FMNL2: variants seen among roughly 807,000 people sequenced by gnomAD.
The protein encoded by FMNL2 is formin-like protein 2.
Under a neutral mutation model 130.2 loss-of-function variants are expected in FMNL2, and 51 were observed. The observed-to-expected ratio is 0.39, with a 90% confidence interval of 0.31 to 0.49. The LOEUF is 0.49. Among genes scored for constraint, FMNL2 ranks in the 20% least tolerant of loss-of-function variants. FMNL2 has a pLI of 0.85. For missense variants in FMNL2, 977 were observed against 1,316.2 expected (o/e 0.74, Z 3.99); for synonymous variants, 465 against 467.1 (o/e 1.00, Z 0.06).
Position 152,409,995 on chromosome 2 carries a change from A to G in FMNL2, c.117+74275A>G, listed in dbSNP as rs144433934. On this transcript the variant is annotated intron_variant, in intron 1 of 25. Coordinates refer to ENST00000288670, the MANE Select transcript of FMNL2 (RefSeq NM_052905.4). Reference sequence around the variant, plus strand: ...GAACTCGAGACAAAACGAGTAGGAAAAAGATGGTTTTTAAGTGACAGTTTT... The same window carrying G: ...GAACTCGAGACAAAACGAGTAGGAAGAAGATGGTTTTTAAGTGACAGTTTT... Among the ~76,000 whole-genome samples the G allele has an allele frequency of 1.5e-3, 223 of 152,324 alleles. 1 individual carries two copies. Among genetic ancestry groups the G allele is most frequent in the African/African-American group, 5.1e-3 (214 of 41,572 alleles).
At chr2:152,347,417 T>C (rs1274106657) in intron 1 of FMNL2, among the ~76,000 whole-genome samples, 1 of 152,236 alleles carries the variant, frequency 6.6e-6, no homozygotes, top group African/African-American at 2.4e-5. Context: ...TTGTTGCTTT[T>C]AGTTATATCA....
At chr2:152,423,417 C>T (rs985335244) in intron 1 of FMNL2, among the ~76,000 whole-genome samples, 5 of 152,100 alleles carry the variant, frequency 3.3e-5, no homozygotes, top group East Asian at 3.9e-4. Context: ...GGAATCAAAA[C>T]GTGTTATTCT....
rs372558000 is a variant in FMNL2 at position 152,542,724 on chromosome 2, T to C, written c.202-15T>C. 1.1e-3 allele frequency: 1,833 copies of C among 1,613,890 alleles called. 2 individuals are homozygous for C. The highest frequency in any genetic ancestry group is 1.5e-3 in the Non-Finnish European group (1,727 of 1,179,776). ...TTCATACCTTTCATGCTTTGGACTT[T>C]TGTGCTTTCTGCAGGAACGATTCCA... On this transcript the variant is annotated splice_polypyrimidine_tract_variant and intron_variant, in intron 2 of 25. Transcript: ENST00000288670.
intron 1 of FMNL2, among the ~76,000 whole-genome samples, chr2:152,354,382 T>G (rs1276954360): frequency 7.9e-6 from 1 of 126,604 alleles, no homozygotes; most frequent in Non-Finnish European, 1.7e-5. Flanking sequence ...TTCTGTTTGA[T>G]TAACAGCATT....
chr2:152,511,384 T>C (rs71417228), intron 1 of FMNL2, among the ~76,000 whole-genome samples: 19,304 of 152,228 alleles, frequency 0.13, 2,002 homozygotes, highest in African/African-American at 0.25. Flanking sequence ...GGGATAGAGA[T>C]GAGGAAATCT....
Position 152,416,161 on chromosome 2 carries a change from T to A in FMNL2, c.117+80441T>A, listed in dbSNP as rs186530592. Among the ~76,000 whole-genome samples the A allele has an allele frequency of 2.2e-3, 330 of 152,334 alleles. 2 individuals are homozygous for A. The highest frequency in any genetic ancestry group is 7.7e-3 in the African/African-American group (321 of 41,576). ...AGTGTTATGGACATACGGCTCATTT[T>A]CCAGAGGTACTATTGAAACTTTCTT... On this transcript the variant is annotated intron_variant, in intron 1 of 25. Transcript: ENST00000288670.
intron 9 of FMNL2, among the ~76,000 whole-genome samples, chr2:152,601,282 C>CT (rs1558997883): frequency 6.8e-6 from 1 of 146,270 alleles, no homozygotes; most frequent in African/African-American, 2.5e-5. Context: ...TGATGGCTTT[C>CT]TTTCTTTTCT....
chr2:152,531,882 A>G (rs1175210545), intron 2 of FMNL2, among the ~76,000 whole-genome samples: 1 of 152,180 alleles, frequency 6.6e-6, no homozygotes, highest in Non-Finnish European at 1.5e-5. Context: ...GAGAATATTT[A>G]TATATCTAGG....
chr2:152,418,886 G>A (rs1326459271), intron 1 of FMNL2, among the ~76,000 whole-genome samples: 1 of 151,698 alleles, frequency 6.6e-6, no homozygotes, highest in Admixed American at 6.6e-5. Flanking sequence ...GCATCATACT[G>A]TTTCCACGGT....
At chr2:152,570,893 T>C (rs749637045) in intron 6 of FMNL2, among the ~76,000 whole-genome samples, 1 of 152,210 alleles carries the variant, frequency 6.6e-6, no homozygotes, top group Non-Finnish European at 1.5e-5. Context: ...ATAAAAGTGA[T>C]AAGAAAACTG....
At chr2:152,404,228 A>C (rs1685862102) in intron 1 of FMNL2, among the ~76,000 whole-genome samples, 1 of 152,176 alleles carries the variant, frequency 6.6e-6, no homozygotes, top group African/African-American at 2.4e-5. Flanking sequence ...ATCTTCAATG[A>C]ATGTAACTGT....
intron 1 of FMNL2, among the ~76,000 whole-genome samples, chr2:152,500,596 T>A (rs1323747838): frequency 6.6e-6 from 1 of 152,194 alleles, no homozygotes; most frequent in Admixed American, 6.5e-5. Context: ...ACGCCTGTAA[T>A]CCTAGCACTT....
At chr2:152,485,903 C>T (rs1218621076) in intron 1 of FMNL2, among the ~76,000 whole-genome samples, 3 of 152,168 alleles carry the variant, frequency 2.0e-5, no homozygotes, top group Admixed American at 1.3e-4. Context: ...GCTTATTAAA[C>T]CACACCTCAG....
At chr2:152,375,572 A>G (rs1453043102) in intron 1 of FMNL2, among the ~76,000 whole-genome samples, 1 of 152,132 alleles carries the variant, frequency 6.6e-6, no homozygotes, top group African/African-American at 2.4e-5. Context: ...TCATCTATAC[A>G]TATAGTATTC....
chr2:152,437,741 G>C (rs756537889), intron 1 of FMNL2, among the ~76,000 whole-genome samples: 19 of 152,150 alleles, frequency 1.2e-4, no homozygotes, highest in Non-Finnish European at 2.8e-4. Flanking sequence ...TCAAACAACA[G>C]AAACAAAAGT....
intron 1 of FMNL2, among the ~76,000 whole-genome samples, chr2:152,383,707 A>T (rs1221874421): frequency 6.6e-6 from 1 of 152,240 alleles, no homozygotes; most frequent in African/African-American, 2.4e-5. Flanking sequence ...CACAGCAGCT[A>T]ACCCTGGAAA....
chr2:152,475,025 T>C (rs1232684151), intron 1 of FMNL2, among the ~76,000 whole-genome samples: 1 of 152,204 alleles, frequency 6.6e-6, no homozygotes, highest in Non-Finnish European at 1.5e-5. Context: ...TGTGGGCAAG[T>C]CATTTCGTCT....
chr2:152,514,357 C>CA (rs1692646898), intron 1 of FMNL2, among the ~76,000 whole-genome samples: 1 of 152,188 alleles, frequency 6.6e-6, no homozygotes, highest in African/African-American at 2.4e-5. Context: ...AACTTGGTCT[C>CA]ACGCTACCCA....
In FMNL2 at chr2:152,491,695, A is replaced by T. The variant is rs116818333; in HGVS notation, c.118-30248A>T. The stretch of plus-strand genomic sequence containing the variant: ...CCAGGGTGTGATGGCTCATGCCTTT[A>T]ATCCCAGCATTTTGGGAGGCTGAGG... On this transcript the variant is annotated intron_variant, in intron 1 of 25. Coordinates refer to ENST00000288670, the MANE Select transcript of FMNL2 (RefSeq NM_052905.4). 4.7e-3 allele frequency among the ~76,000 whole-genome samples: 722 copies of T among 152,316 alleles called. 3 individuals carry two copies. The highest frequency in any genetic ancestry group is 0.016 in the African/African-American group (685 of 41,558).
Sources: gnomAD v4.1 joint callset for allele counts (sites outside exome capture counted in the v4.1 genomes callset) on GRCh38, gnomAD v4.1.1 for gene constraint, MANE v1.5 for transcripts, NCBI Gene and HGNC (gene_info 2026-07-23, HGNC 2026-07-21) for gene names.